Variants in RAD51B observed in about 807,000 individuals in gnomAD.
RAD51B encodes the protein RAD51 paralog B.
Under a neutral mutation model 42.2 loss-of-function variants are expected in RAD51B, and 38 were observed. The observed-to-expected ratio is 0.90, with a 90% CI of 0.70 to 1.18. RAD51B has a LOEUF of 1.18. Ranked by LOEUF, RAD51B falls within the 50% of genes most tolerant of loss-of-function variation. RAD51B has a pLI of 0.00. For missense variants in RAD51B, 373 were observed against 400.7 expected (o/e 0.93, Z 0.59); for synonymous variants, 154 against 145.2 (o/e 1.06, Z -0.43).
chr14:68,045,236 CAAAAAAAAAA>C lies in RAD51B; in HGVS notation c.756+158050_756+158059del, dbSNP rs537073885. ...GGGCAACAAGAGCGAAACTCTGTCT[CAAAAAAAAAA>C]AAAAAAAAAAAAAAAAAGAAAAGAA... is the stretch of plus-strand genomic sequence containing the variant. On this transcript the variant is annotated intron_variant, in intron 7 of 10. Coordinates refer to ENST00000471583, the MANE Select transcript of RAD51B (RefSeq NM_133510.4). 1.8e-4 allele frequency among the ~76,000 whole-genome samples: 4 copies of C among 22,090 alleles called. No homozygotes were observed. The East Asian group carries it at 5.8e-3, about 32-fold the overall frequency. 14.5% of individuals were successfully genotyped at this position (22,090 alleles called of 152,430 possible).
At chr14:67,842,826 T>TCATAA (rs2041474272) in intron 4 of RAD51B, among the ~76,000 whole-genome samples, 1 of 152,188 alleles carries the variant, frequency 6.6e-6, no homozygotes, top group Non-Finnish European at 1.5e-5. Context: ...TGGGTCTTAG[T>TCATAA]ATTTTGAGGT....
In RAD51B at chr14:68,089,114, C is replaced by G. The variant is rs567125081; in HGVS notation, c.756+201910C>G. Among the ~76,000 whole-genome samples the G allele has an allele frequency of 2.6e-5, 4 of 152,204 alleles. No homozygotes were observed. The South Asian group carries it at 6.2e-4, about 24-fold the overall frequency. The stretch of plus-strand genomic sequence containing the variant: ...GGCCCCCTTACCTATATCCTCTCCC[C>G]ACTCTCATTAGTCACTCCAACTTTG... On this transcript the variant is annotated intron_variant, in intron 7 of 10. Transcript: ENST00000471583.
At chr14:67,926,706 G>A (rs375116293) in intron 7 of RAD51B, among the ~76,000 whole-genome samples, 1 of 151,944 alleles carries the variant, frequency 6.6e-6, no homozygotes, top group East Asian at 1.9e-4. Flanking sequence ...TGGGACAACA[G>A]GCGTGCGCCA....
At chr14:68,373,621 G>A (rs1359128664) in intron 8 of RAD51B, among the ~76,000 whole-genome samples, 1 of 152,114 alleles carries the variant, frequency 6.6e-6, no homozygotes, top group Non-Finnish European at 1.5e-5. Context: ...CCTGTTGGTG[G>A]GTGGGGGGCA....
chr14:67,959,897 T>C (rs2074626688), intron 7 of RAD51B, among the ~76,000 whole-genome samples: 1 of 151,980 alleles, frequency 6.6e-6, no homozygotes, highest in Non-Finnish European at 1.5e-5. Flanking sequence ...CTGGCCAACA[T>C]GGTGAAACCC....
At position 68,417,018 on chromosome 14, in the gene RAD51B, A is replaced by G. The variant is rs114272172; in HGVS notation, c.957+5491A>G. Among the ~76,000 whole-genome samples, 346 of 152,296 alleles carry G rather than the reference A, an allele frequency of 2.3e-3. 3 individuals are homozygous for G. The highest frequency in any genetic ancestry group is 7.4e-3 in the African/African-American group (306 of 41,564). On this transcript the variant is annotated intron_variant, in intron 9 of 10. Transcript: ENST00000471583. ...TTTTCCCAGATAAGCTAAAGGGTAGATGTGGGGCAGCATGTCAGGCTTATA... is the reference window on the plus strand; with the variant it reads ...TTTTCCCAGATAAGCTAAAGGGTAGGTGTGGGGCAGCATGTCAGGCTTATA...
intron 7 of RAD51B, among the ~76,000 whole-genome samples, chr14:68,137,900 TC>T (rs1233368094): frequency 3.9e-5 from 6 of 152,210 alleles, no homozygotes; most frequent in Admixed American, 3.9e-4. Flanking sequence ...ATGGTGCATT[TC>T]CTGGGCCCTG....
intron 9 of RAD51B, among the ~76,000 whole-genome samples, chr14:68,426,048 C>A (rs1338550937): frequency 6.8e-6 from 1 of 147,112 alleles, no homozygotes; most frequent in South Asian, 2.2e-4. Flanking sequence ...TTCTCTCTTT[C>A]TCTCTCTCTC....
chr14:68,047,728 C>T (rs906741354), intron 7 of RAD51B, among the ~76,000 whole-genome samples: 1 of 152,102 alleles, frequency 6.6e-6, no homozygotes, highest in Non-Finnish European at 1.5e-5. Flanking sequence ...TATAGTTATA[C>T]CTTGAGCTTA....
intron 9 of RAD51B, among the ~76,000 whole-genome samples, chr14:68,445,537 A>C (rs535944368): frequency 6.6e-6 from 1 of 152,294 alleles, no homozygotes; most frequent in African/African-American, 2.4e-5. Context: ...CTCAATCCCA[A>C]AGAGATTAAT....
chr14:68,300,390 T>C (rs1344171749), intron 8 of RAD51B, among the ~76,000 whole-genome samples: 2 of 152,068 alleles, frequency 1.3e-5, no homozygotes, highest in African/African-American at 2.4e-5. Context: ...AGTTTTGTTT[T>C]GTAGAGACAG....
chr14:68,202,581 T>G (rs796417845), intron 7 of RAD51B, among the ~76,000 whole-genome samples: 1 of 121,680 alleles, frequency 8.2e-6, no homozygotes, highest in Non-Finnish European at 1.9e-5. Flanking sequence ...GTCTTTTTTT[T>G]TTTTTTTTTT....
chr14:68,200,996 C>G (rs1010125725), intron 7 of RAD51B, among the ~76,000 whole-genome samples: 7 of 152,064 alleles, frequency 4.6e-5, no homozygotes, highest in African/African-American at 1.7e-4. Context: ...GCAGCTGGAT[C>G]CCCAGAAGCT....
intron 7 of RAD51B, among the ~76,000 whole-genome samples, chr14:68,004,543 C>T (rs1258925785): frequency 2.6e-5 from 4 of 152,056 alleles, no homozygotes; most frequent in Non-Finnish European, 5.9e-5. Context: ...CTTATTTCCA[C>T]ATCCTCCATA....
At chr14:68,498,183 G>A (rs1884673456) in intron 10 of RAD51B, among the ~76,000 whole-genome samples, 2 of 152,200 alleles carry the variant, frequency 1.3e-5, no homozygotes, top group South Asian at 4.1e-4. Flanking sequence ...AGTGGCACAA[G>A]ACCCTTCTAG....
At chr14:68,179,514 G>A (rs1366858280) in intron 7 of RAD51B, among the ~76,000 whole-genome samples, 1 of 152,126 alleles carries the variant, frequency 6.6e-6, no homozygotes, top group African/African-American at 2.4e-5. Context: ...AGTATGTAGT[G>A]TAACATGACT....
downstream of RAD51B, among the ~76,000 whole-genome samples, chr14:68,600,369 G>T (rs1375858856): frequency 2.6e-5 from 4 of 152,188 alleles, no homozygotes; most frequent in Non-Finnish European, 4.4e-5. Context: ...CATGCTGGTG[G>T]CCCCTTGAGT....
At chr14:68,541,538 A>C (rs1887968055) in intron 10 of RAD51B, 1 of 985,370 alleles carries the variant, frequency 1.0e-6, no homozygotes, top group South Asian at 4.7e-5. Context: ...CATGCAGGTC[A>C]GAGGGGAAAG....
At chr14:67,978,953 T>A (rs2075042921) in intron 7 of RAD51B, among the ~76,000 whole-genome samples, 1 of 152,260 alleles carries the variant, frequency 6.6e-6, no homozygotes, top group Admixed American at 6.5e-5. Context: ...ACATTTCATT[T>A]GATGGCATTT....
Sources: allele counts gnomAD v4.1 joint callset (sites outside exome capture counted in the v4.1 genomes callset), GRCh38; gene constraint gnomAD v4.1.1; transcripts MANE v1.5; gene names NCBI Gene and HGNC (gene_info 2026-07-23, HGNC 2026-07-21).